MCPH1: variants seen among roughly 807,000 people sequenced by gnomAD.
MCPH1 encodes the protein microcephalin.
Under a neutral mutation model 84.5 loss-of-function variants are expected in MCPH1, and 104 were observed. The observed-to-expected ratio is 1.23, with a 90% CI of 1.05 to 1.45. The LOEUF (loss-of-function observed/expected upper bound fraction) is 1.45. MCPH1 is among the 40% of genes most tolerant of loss of function. MCPH1 has a pLI of 0.00. For synonymous variants in MCPH1, 514 were observed against 366.8 expected, an observed-to-expected ratio of 1.40 and a Z score of -4.58; for missense variants, 1,498 against 1,005.7, an observed-to-expected ratio of 1.49 and a Z score of -6.62.
intron 12 of MCPH1, among the ~76,000 whole-genome samples, chr8:6,579,270 G>A (rs531245726): frequency 1.5e-4 from 23 of 152,236 alleles, no homozygotes; most frequent in Non-Finnish European, 2.8e-4. Flanking sequence ...TATGGTGTCT[G>A]ATGCGTGAGT....
In MCPH1 at chr8:6,513,389, G is replaced by C. The variant is rs1039386592; in HGVS notation, c.2214+13460G>C. On this transcript the variant is annotated intron_variant, in intron 12 of 13. Transcript: ENST00000344683. ...GCTCTGTCGCCCAGGTTGCAGTGCCGTGGCACGATCTCGGCTCACTGCAAG... is the reference window on the plus strand; with the variant it reads ...GCTCTGTCGCCCAGGTTGCAGTGCCCTGGCACGATCTCGGCTCACTGCAAG... Among the ~76,000 whole-genome samples the C allele has an allele frequency of 1.1e-4, 16 of 146,068 alleles. 1 individual carries two copies. Among genetic ancestry groups the C allele is most frequent in the Admixed American group, 1.1e-3 (15 of 14,160 alleles).
chr8:6,532,902 C>A (rs1253489983), intron 12 of MCPH1, among the ~76,000 whole-genome samples: 1 of 152,214 alleles, frequency 6.6e-6, no homozygotes, highest in Admixed American at 6.5e-5. Flanking sequence ...AGAAGCATCA[C>A]TATTTCTCTC....
chr8:6,465,045 G>A (rs1469293695), intron 9 of MCPH1, among the ~76,000 whole-genome samples: 3 of 151,940 alleles, frequency 2.0e-5, no homozygotes, highest in Non-Finnish European at 4.4e-5. Flanking sequence ...TCTATGCACT[G>A]AGCAAAGGAG....
chr8:6,568,160 T>A (rs1393211600), intron 12 of MCPH1, among the ~76,000 whole-genome samples: 1 of 152,166 alleles, frequency 6.6e-6, no homozygotes, highest in East Asian at 1.9e-4. Flanking sequence ...TGGCTCAGTT[T>A]GCCCAGTTGG....
intron 13 of MCPH1, among the ~76,000 whole-genome samples, chr8:6,624,602 G>T (rs1372203644): frequency 1.3e-5 from 2 of 152,028 alleles, no homozygotes; most frequent in African/African-American, 4.8e-5. Flanking sequence ...AATAAAGAAG[G>T]GTTTATTTTT....
At chr8:6,632,653 C>CA (rs1289574974) in intron 13 of MCPH1, among the ~76,000 whole-genome samples, 1 of 151,876 alleles carries the variant, frequency 6.6e-6, no homozygotes, top group Non-Finnish European at 1.5e-5. Flanking sequence ...ACTAAAAATA[C>CA]AAAAAATTAG....
intron 12 of MCPH1, among the ~76,000 whole-genome samples, chr8:6,565,186 A>G (rs1351228160): frequency 2.6e-5 from 4 of 152,140 alleles, no homozygotes; most frequent in Non-Finnish European, 5.9e-5. Flanking sequence ...GATGGAGATC[A>G]TTTTTTCTCT....
intron 12 of MCPH1, among the ~76,000 whole-genome samples, chr8:6,569,028 A>C (rs1404088892): frequency 3.3e-5 from 5 of 152,186 alleles, no homozygotes; most frequent in African/African-American, 1.2e-4. Flanking sequence ...CTAAGCTGGG[A>C]GGGACTTTTG....
At chr8:6,499,587 A>G (rs1452521569) in intron 11 of MCPH1, 2 of 278,114 alleles carry the variant, frequency 7.2e-6, no homozygotes, top group East Asian at 6.2e-5. Context: ...GTGTAAAAAC[A>G]GGATAATATT....
intron 12 of MCPH1, chr8:6,527,628 G>A (rs754043720): frequency 6.2e-7 from 1 of 1,613,852 alleles, no homozygotes; most frequent in Non-Finnish European, 8.5e-7. Flanking sequence ...TTTGTCGAGA[G>A]GGAGTGTTCC....
Position 6,463,384 on chromosome 8 carries a change from G to A in MCPH1, c.1935+8132G>A, listed in dbSNP as rs536401499. ...AGGGTACTCACAGCTGTCATTTATT[G>A]AGCATTGTGACCTCTTTTTAGATTG... On this transcript the variant is annotated intron_variant, in intron 9 of 13. Transcript: ENST00000344683. Among the ~76,000 whole-genome samples, 48 of 152,278 alleles carry A rather than the reference G, an allele frequency of 3.2e-4. No individual in the cohort carries two copies. In the South Asian group the frequency reaches 9.7e-3, roughly 31 times the overall value.
intron 12 of MCPH1, among the ~76,000 whole-genome samples, chr8:6,587,471 G>A (rs1051079375): frequency 2.0e-5 from 3 of 152,100 alleles, no homozygotes; most frequent in South Asian, 2.1e-4. Flanking sequence ...ACAGTTTTGC[G>A]ATCACCCCTA....
intron 9 of MCPH1, among the ~76,000 whole-genome samples, chr8:6,456,810 C>T (rs918189302): frequency 6.6e-6 from 1 of 152,148 alleles, no homozygotes; most frequent in South Asian, 2.1e-4. Flanking sequence ...GTGGTATTGC[C>T]TCCCTGTGCC....
intron 4 of MCPH1, 41 bp downstream of exon 4, chr8:6,431,627 T>C: frequency 7.7e-7 from 1 of 1,294,502 alleles, no homozygotes; most frequent in Non-Finnish European, 1.1e-6. Context: ...CAATTAGGAA[T>C]TTATTCGTTT....
At chr8:6,510,438 T>G (rs146756463) in intron 12 of MCPH1, among the ~76,000 whole-genome samples, 116 of 152,308 alleles carry the variant, frequency 7.6e-4, no homozygotes, top group African/African-American at 2.7e-3. Flanking sequence ...GCTGCCACAT[T>G]GGAATAATAT....
At chr8:6,546,757 C>G (rs1227070817) in intron 12 of MCPH1, among the ~76,000 whole-genome samples, 1 of 152,188 alleles carries the variant, frequency 6.6e-6, no homozygotes, top group Non-Finnish European at 1.5e-5. Context: ...AGGATATAAA[C>G]TCAACGTACC....
chr8:6,532,259 G>A (rs1586425351), intron 12 of MCPH1: 10 of 1,558,976 alleles, frequency 6.4e-6, no homozygotes, highest in African/African-American at 1.4e-5. Context: ...CCTTCATTGA[G>A]GAAGCTCCTG....
Position 6,499,906 on chromosome 8 carries a change from T to G in MCPH1, c.2191T>G (p.Ser731Ala). 1 of 1,613,738 alleles carries G rather than the reference T, an allele frequency of 6.2e-7. No individual in the cohort carries two copies. Among genetic ancestry groups the G allele is most frequent in the Non-Finnish European group, 8.5e-7 (1 of 1,179,978 alleles). The change falls in exon 12 of 14, where the codon TCT (serine) becomes GCT (alanine). Residue 731 changes from serine (S) to alanine (A), a missense_variant. Coordinates refer to ENST00000344683, the MANE Select transcript of MCPH1 (RefSeq NM_024596.5). ...GATTTCTGAGGAGCCGTTCGAACTG[T>G]CTCACCACTTCCCTGCAGCTCCCGT... ...HWISEEPFEL[S>A]HHFPAAPLCR...
intron 12 of MCPH1, among the ~76,000 whole-genome samples, chr8:6,607,050 G>C (rs1044303815): frequency 5.3e-5 from 8 of 152,208 alleles, no homozygotes; most frequent in African/African-American, 1.9e-4. Context: ...AAACCAAGAG[G>C]CTGATGGTGT....
Sources: gnomAD v4.1 joint callset for allele counts (sites outside exome capture counted in the v4.1 genomes callset) on GRCh38, gnomAD v4.1.1 for gene constraint, MANE v1.5 for transcripts, NCBI Gene and HGNC (gene_info 2026-07-23, HGNC 2026-07-21) for gene names.